Variants in NDST1 observed in about 807,000 individuals in gnomAD.
NDST1 encodes the protein bifunctional heparan sulfate N-deacetylase/N-sulfotransferase 1.
In NDST1, 35 loss-of-function variants were observed where a neutral mutation model predicts 92.8. That is an observed-to-expected ratio of 0.38 (90% CI 0.29 to 0.50). The LOEUF is 0.50. Among genes scored for constraint, NDST1 ranks in the 20% least tolerant of loss-of-function variants. The pLI is 0.94. For synonymous variants in NDST1, 493 were observed against 500.3 expected (o/e 0.99, Z 0.19); for missense variants, 822 against 1,182.7 (o/e 0.69, Z 4.47).
rs745750526 is a variant in NDST1 at position 150,551,708 on chromosome 5, G to T, written c.2427-45G>T. On this transcript the variant is annotated intron_variant, in intron 13 of 14. Coordinates refer to ENST00000261797, the MANE Select transcript of NDST1 (RefSeq NM_001543.5). ...GAACATGGCTTTAAGGTCGGAAGTG[G>T]GTGGCTGAGCCAGCTCCCATCCAAA... The T allele has an allele frequency of 2.5e-6, 4 of 1,605,032 alleles. No homozygotes were observed. In the African/African-American group the frequency reaches 4.0e-5, roughly 16 times the overall value.
chr5:150,551,537 G>GC (rs1481412886), intron 13 of NDST1, among the ~76,000 whole-genome samples: 21 of 152,364 alleles, frequency 1.4e-4, no homozygotes, highest in Admixed American at 1.1e-3. Flanking sequence ...CTCAGAATGT[G>GC]CGAGCTGCCC....
intron 2 of NDST1, among the ~76,000 whole-genome samples, chr5:150,526,455 G>GGT (rs1452905091): frequency 2.0e-5 from 3 of 152,196 alleles, no homozygotes; most frequent in Admixed American, 1.3e-4. Flanking sequence ...ATCTATGCCA[G>GGT]GTACTAGAGA....
chr5:150,519,425 G>A (rs2151266986), intron 1 of NDST1, among the ~76,000 whole-genome samples: 1 of 152,284 alleles, frequency 6.6e-6, no homozygotes, highest in Middle Eastern at 3.4e-3. Context: ...TGCTCCTTGG[G>A]GGCCAGGCGT....
chr5:150,534,172 C>T (rs745541916), intron 4 of NDST1, among the ~76,000 whole-genome samples: 1 of 151,684 alleles, frequency 6.6e-6, no homozygotes, highest in Non-Finnish European at 1.5e-5. Flanking sequence ...TCACAGCTTA[C>T]TGCAGCCTTG....
At chr5:150,538,466 C>A (rs1755091484) in intron 6 of NDST1, among the ~76,000 whole-genome samples, 1 of 152,128 alleles carries the variant, frequency 6.6e-6, no homozygotes. Context: ...GCAGCTTGGA[C>A]CAGGGCCCAA....
chr5:150,543,108 A>G (rs1755319266), intron 10 of NDST1, 137 bp downstream of exon 10: 2 of 1,185,846 alleles, frequency 1.7e-6, no homozygotes, highest in Non-Finnish European at 2.5e-6. Context: ...GACAAAGTGC[A>G]GTGACCCTTG....
intron 6 of NDST1, among the ~76,000 whole-genome samples, chr5:150,537,691 A>G (rs1755055173): frequency 1.3e-5 from 2 of 152,092 alleles, no homozygotes; most frequent in South Asian, 4.1e-4. Flanking sequence ...GTGATATTTT[A>G]TTACATTGGG....
intron 11 of NDST1, among the ~76,000 whole-genome samples, chr5:150,547,344 G>C (rs1230079789): frequency 6.6e-6 from 1 of 152,210 alleles, no homozygotes. Context: ...GGAGGACGCT[G>C]CTGTGCACCA....
rs766201766 is a variant in NDST1, at chr5:150,557,786, A to G, written c.*4454A>G. ...TTTTCAGCTTCCCTAAGGGACTGGC[A>G]TAGGGTTTTGTGGGGTCAATGCCAG... On this transcript the variant is annotated 3_prime_UTR_variant, in exon 15 of 15. Transcript: ENST00000261797. The surrounding 1 kb of genome is among the most constrained non-coding windows in gnomAD (Gnocchi z 4.7). The G allele has an allele frequency of 3.9e-5, 6 of 152,598 alleles. No homozygotes were observed. The highest frequency in any genetic ancestry group is 1.3e-4 in the Admixed American group (2 of 15,284). 9.5% of individuals were successfully genotyped at this position (152,598 alleles called of 1,614,324 possible). A position where few individuals can be genotyped will look rare whatever the true frequency, so the allele number is the denominator to read the frequency against.
chr5:150,506,222 C>T (rs78136606), upstream of NDST1, among the ~76,000 whole-genome samples: 6,971 of 152,302 alleles, frequency 0.046, 209 homozygotes, highest in Non-Finnish European at 0.074. Flanking sequence ...GTGATCCTCG[C>T]ACCTCAGCCC....
At position 150,540,125 on chromosome 5, in the gene NDST1, G is replaced by A. The variant is rs1020582646; in HGVS notation, c.1610G>A (p.Arg537His). 2.5e-6 allele frequency: 4 copies of A among 1,614,072 alleles called. No individual in the cohort carries two copies. Among genetic ancestry groups the A allele is most frequent in the African/African-American group, 1.3e-5 (1 of 74,912 alleles). ...CACCTGTCCAACTATGGGAATGACCGCCTGGGCCTGTACACCTTCAAGCAC... is the reference window on the plus strand; with the variant it reads ...CACCTGTCCAACTATGGGAATGACCACCTGGGCCTGTACACCTTCAAGCAC... ...MTHLSNYGND[R>H]LGLYTFKHLV... Residue 537 changes from arginine to histidine, a missense_variant, in exon 8 of 15, where the codon CGC (arginine) becomes CAC (histidine). Arg to His is a conservative substitution (Grantham distance 29, BLOSUM62 0). Coordinates refer to ENST00000261797, the MANE Select transcript of NDST1 (RefSeq NM_001543.5).
At position 150,528,274 on chromosome 5, in the gene NDST1, A is replaced by G; in HGVS notation, c.984A>G (p.Thr328=). The change falls in exon 3 of 15, where the codon ACA becomes ACG. Residue 328 remains threonine, a synonymous_variant. Transcript: ENST00000261797. ...IDDIFVGKEG[T]RMKVEDVKAL... is the part of the protein sequence containing the mutation. ...ACATCTTCGTGGGCAAGGAGGGCAC[A>G]CGCATGAAGGTGGAGGACGTGAAGG... The G allele has an allele frequency of 6.2e-7, 1 of 1,604,470 alleles. No individual in the cohort carries two copies. The highest frequency in any genetic ancestry group is 2.2e-5 in the East Asian group (1 of 44,646).
Position 150,545,461 on chromosome 5 carries a change from C to T in NDST1, c.2120C>T (p.Ala707Val), listed in dbSNP as rs138889348. 3.9e-5 allele frequency: 63 copies of T among 1,614,256 alleles called. No individual in the cohort carries two copies. The East Asian group carries it at 4.7e-4, about 12-fold the overall frequency. ...AKVLTILINPADRAYSWYQHQ... is the reference protein window; with the variant it reads ...AKVLTILINPVDRAYSWYQHQ... ...GTCCTGACCATCCTCATCAACCCCG[C>T]GGACCGGGCCTATTCCTGGTACCAG... is the stretch of plus-strand genomic sequence containing the variant. The change falls in exon 11 of 15, where the codon GCG (alanine) becomes GTG (valine). Residue 707 changes from alanine to valine, a missense_variant. Transcript: ENST00000261797.
At chr5:150,537,818 G>A (rs1755063146) in intron 6 of NDST1, among the ~76,000 whole-genome samples, 1 of 152,162 alleles carries the variant, frequency 6.6e-6, no homozygotes, top group Non-Finnish European at 1.5e-5. Context: ...CTGCCAACAT[G>A]TGACATCTCC....
upstream of NDST1, among the ~76,000 whole-genome samples, chr5:150,505,015 T>C (rs575322670): frequency 1.2e-4 from 19 of 152,326 alleles, no homozygotes; most frequent in African/African-American, 4.3e-4. Flanking sequence ...TTTCCTTTTC[T>C]GAGAAAGGGG....
chr5:150,497,888 G>GTCGGC (rs1417866667), upstream of NDST1: 1 of 152,332 alleles, frequency 6.6e-6, no homozygotes, highest in African/African-American at 2.4e-5. Context: ...ACCTGAGGGA[G>GTCGGC]TCGGCTCCCT....
intron 6 of NDST1, among the ~76,000 whole-genome samples, chr5:150,537,738 C>T (rs76693353): frequency 2.8e-4 from 42 of 152,176 alleles, no homozygotes; most frequent in African/African-American, 8.2e-4. Flanking sequence ...CCTATTCGTA[C>T]GCTCCCTCCC....
chr5:150,511,120 A>G (rs1020736080), intron 1 of NDST1, among the ~76,000 whole-genome samples: 8 of 152,214 alleles, frequency 5.3e-5, no homozygotes, highest in Admixed American at 1.3e-4. Context: ...AATGGGGGGA[A>G]TCTAGGTCAT....
At chr5:150,520,149 C>A (rs1046580459) in intron 1 of NDST1, among the ~76,000 whole-genome samples, 1 of 152,184 alleles carries the variant, frequency 6.6e-6, no homozygotes, top group African/African-American at 2.4e-5. Context: ...TTGTGCCAAG[C>A]TCCTCAGACA....
Sources: gnomAD v4.1 joint callset for allele counts (sites outside exome capture counted in the v4.1 genomes callset) on GRCh38, gnomAD v4.1.1 for gene constraint, Gnocchi (gnomAD v3.1) non-coding constraint, MANE v1.5 for transcripts, NCBI Gene and HGNC (gene_info 2026-07-23, HGNC 2026-07-21) for gene names.